LRBA: variants seen among roughly 807,000 people sequenced by gnomAD.
The protein encoded by LRBA is lipopolysaccharide-responsive and beige-like anchor protein.
Under a neutral mutation model 330.0 loss-of-function variants are expected in LRBA, and 176 were observed. That is an observed-to-expected ratio of 0.53 (90% CI 0.47 to 0.60). The LOEUF is 0.60. Among genes scored for constraint, LRBA ranks in the 20% least tolerant of loss-of-function variants. The probability of loss-of-function intolerance (pLI) is 0.00; values close to 1 mark genes in which losing one functional copy is unlikely to be tolerated. For synonymous variants in LRBA, 1,230 were observed against 1,193.0 expected, an observed-to-expected ratio of 1.03 and a Z score of -0.64; for missense variants, 3,259 against 3,444.8, an observed-to-expected ratio of 0.95 and a Z score of 1.35.
intron 40 of LRBA, among the ~76,000 whole-genome samples, chr4:150,569,708 C>A (rs765105803): frequency 6.6e-6 from 1 of 152,070 alleles, no homozygotes; most frequent in East Asian, 1.9e-4. Flanking sequence ...TGCTTTTTAT[C>A]AAAACATGTA....
At chr4:150,485,262 T>A (rs1504786) in intron 42 of LRBA, among the ~76,000 whole-genome samples, 3 of 151,716 alleles carry the variant, frequency 2.0e-5, no homozygotes, top group African/African-American at 7.3e-5. Flanking sequence ...ACTTTTGTCT[T>A]ATGAATTTTG....
intron 2 of LRBA, among the ~76,000 whole-genome samples, chr4:151,011,339 C>T (rs1208062164): frequency 6.6e-6 from 1 of 152,158 alleles, no homozygotes; most frequent in African/African-American, 2.4e-5. Flanking sequence ...TGGCTTAAGC[C>T]TGTAATTCCA....
chr4:150,485,688 G>C (rs1228540808), intron 42 of LRBA, among the ~76,000 whole-genome samples: 6 of 151,900 alleles, frequency 3.9e-5, no homozygotes, highest in Non-Finnish European at 8.8e-5. Context: ...AACCAACACT[G>C]ATGAAAACTT....
intron 37 of LRBA, among the ~76,000 whole-genome samples, chr4:150,672,445 G>T (rs1162483321): frequency 2.0e-5 from 3 of 151,664 alleles, no homozygotes; most frequent in Non-Finnish European, 2.9e-5. Context: ...CTTCAGAAAT[G>T]TAAAAGTAAA....
In LRBA at chr4:150,806,264, C is replaced by A; in HGVS notation, c.5518+7G>T. 2 of 1,540,588 alleles carry A rather than the reference C, an allele frequency of 1.3e-6. No homozygotes were observed. Among genetic ancestry groups the A allele is most frequent in the South Asian group, 1.3e-5 (1 of 77,426 alleles). Reference sequence around the variant, plus strand: ...ACATACAAATAAAATAAAGAAAAACCACTTACTTGTTCCTTCTATAAGCAG... The same window carrying A: ...ACATACAAATAAAATAAAGAAAAACAACTTACTTGTTCCTTCTATAAGCAG... On this transcript the variant is annotated splice_region_variant and intron_variant, in intron 33 of 56. Transcript: ENST00000651943.
intron 40 of LRBA, among the ~76,000 whole-genome samples, chr4:150,572,928 T>C (rs1461867009): frequency 6.6e-6 from 1 of 152,156 alleles, no homozygotes; most frequent in African/African-American, 2.4e-5. Flanking sequence ...CTGCCTCCTT[T>C]GATTGTCAGC....
At chr4:150,514,649 G>A (rs1366127490) in intron 40 of LRBA, among the ~76,000 whole-genome samples, 1 of 151,982 alleles carries the variant, frequency 6.6e-6, no homozygotes, top group Non-Finnish European at 1.5e-5. Context: ...CCTCAATTCT[G>A]GCACTTGTAA....
intron 40 of LRBA, among the ~76,000 whole-genome samples, chr4:150,574,404 T>C (rs1017462004): frequency 6.6e-6 from 1 of 152,062 alleles, no homozygotes; most frequent in Non-Finnish European, 1.5e-5. Flanking sequence ...AATTTAGTCA[T>C]GTAATGGTGG....
At chr4:150,571,602 T>C (rs1769842945) in intron 40 of LRBA, among the ~76,000 whole-genome samples, 1 of 148,810 alleles carries the variant, frequency 6.7e-6, no homozygotes, top group South Asian at 2.1e-4. Flanking sequence ...CTGAAGAAAA[T>C]ACTTAAGCAT....
At chr4:150,396,029 G>T (rs1744683639) in intron 47 of LRBA, among the ~76,000 whole-genome samples, 1 of 152,110 alleles carries the variant, frequency 6.6e-6, no homozygotes, top group South Asian at 2.1e-4. Flanking sequence ...CAGATAGCTG[G>T]TAAGACATTA....
chr4:150,727,070 T>G (rs1318196394), intron 36 of LRBA, among the ~76,000 whole-genome samples: 1 of 127,168 alleles, frequency 7.9e-6, no homozygotes, highest in African/African-American at 2.9e-5. Flanking sequence ...TTTCGTTGTT[T>G]TTTTTTTTTT....
At chr4:150,312,981 TTAAA>T (rs1383307161) in intron 51 of LRBA, among the ~76,000 whole-genome samples, 2 of 151,796 alleles carry the variant, frequency 1.3e-5, no homozygotes, top group African/African-American at 4.8e-5. Context: ...TATAATATAA[TTAAA>T]TAAATACATT....
At chr4:151,001,961 G>T (rs1743394992) in intron 2 of LRBA, among the ~76,000 whole-genome samples, 1 of 150,838 alleles carries the variant, frequency 6.6e-6, no homozygotes, top group Non-Finnish European at 1.5e-5. Context: ...GAACCCTAAG[G>T]CCCCCAAAAA....
intron 17 of LRBA, among the ~76,000 whole-genome samples, chr4:150,878,621 C>T (rs1355249331): frequency 1.3e-5 from 2 of 150,396 alleles, no homozygotes; most frequent in Non-Finnish European, 3.0e-5. Flanking sequence ...AAAAAAAAAT[C>T]CACATACAAG....
chr4:150,568,112 T>C (rs1769372020), intron 40 of LRBA, among the ~76,000 whole-genome samples: 1 of 151,946 alleles, frequency 6.6e-6, no homozygotes, highest in Non-Finnish European at 1.5e-5. Flanking sequence ...TCAAGACCAG[T>C]CTAGTCAACA....
chr4:151,012,808 C>CTTTTTT (rs34281634), intron 2 of LRBA: 3 of 124,576 alleles, frequency 2.4e-5, no homozygotes, highest in Non-Finnish European at 5.0e-5. Flanking sequence ...AAGTGAATTT[C>CTTTTTT]TTTTTTTTTT....
intron 53 of LRBA, 80 bp from the exon 54 acceptor site, chr4:150,286,114 C>T (rs1748101841): frequency 1.1e-6 from 1 of 943,002 alleles, no homozygotes. Flanking sequence ...CTCCTAATTT[C>T]CATCATGCCT....
chr4:150,748,898 C>T (rs998946647), intron 35 of LRBA, among the ~76,000 whole-genome samples: 1 of 152,052 alleles, frequency 6.6e-6, no homozygotes, highest in African/African-American at 2.4e-5. Context: ...CGGCTTCCAC[C>T]AGGTGAAGAC....
rs191057905 is a variant in LRBA at position 150,277,672 on chromosome 4, T to A, written c.8468+181A>T. Among the ~76,000 whole-genome samples the A allele has an allele frequency of 8.1e-3, 1,234 of 151,720 alleles. 41 individuals carry two copies. In the East Asian group the frequency reaches 0.088, roughly 11 times the overall value. ...TACTATACAATTTTGAAAAAAAAAT[T>A]TTTTTTTTCTGTAGAGACAGGGTCT... On this transcript the variant is annotated intron_variant, in intron 56 of 56. Coordinates refer to ENST00000651943, the MANE Select transcript of LRBA (RefSeq NM_001364905.1).
Sources: gnomAD v4.1 joint callset for allele counts (sites outside exome capture counted in the v4.1 genomes callset) on GRCh38, gnomAD v4.1.1 for gene constraint, MANE v1.5 for transcripts, NCBI Gene and HGNC (gene_info 2026-07-23, HGNC 2026-07-21) for gene names.